LTBR: variants seen among roughly 807,000 people sequenced by gnomAD.
The protein encoded by LTBR is tumor necrosis factor receptor superfamily member 3.
A neutral mutation model predicts 45.4 loss-of-function variants in LTBR; 15 were observed. The ratio of observed to expected loss-of-function variants is 0.33; its 90% CI spans 0.22 to 0.51. The LOEUF is 0.51. Among genes scored for constraint, LTBR ranks in the 20% least tolerant of loss-of-function variants. The pLI is 0.97. For synonymous variants in LTBR, 228 were observed against 231.0 expected (o/e 0.99, Z 0.12); for missense variants, 450 against 565.5 (o/e 0.80, Z 2.07).
In LTBR at chr12:6,375,606, G is replaced by T. The variant is rs72645138; in HGVS notation, c.39+12G>T. 28 of 1,320,854 alleles carry T rather than the reference G, an allele frequency of 2.1e-5. No homozygotes were observed. The African/African-American group carries it at 3.7e-4, about 17-fold the overall frequency. The allele number at this position is 1,320,854 out of a possible 1,614,324, so 81.8% of individuals were successfully genotyped here. A position where few individuals can be genotyped will look rare whatever the true frequency, so the allele number is the denominator to read the frequency against. ...CATCTCAATTAAAGGTGAGCAGGGC[G>T]GGGGGAGGGGCTGAGGAGGAGTCAG... On this transcript the variant is annotated intron_variant, in intron 1 of 9. Coordinates refer to the LTBR transcript ENST00000539925.
At chr12:6,381,857 C>T (rs1345214530), upstream of LTBR, among the ~76,000 whole-genome samples, 14 of 152,156 alleles carry the variant, frequency 9.2e-5, no homozygotes, top group Non-Finnish European at 2.1e-4. Context: ...CCCGTAATCC[C>T]AGCTACTCGG....
chr12:6,385,521 C>T (rs1247307176), intron 4 of LTBR, 142 bp downstream of exon 4: 6 of 999,092 alleles, frequency 6.0e-6, no homozygotes, highest in Non-Finnish European at 8.7e-6. Context: ...CATGCAGAGG[C>T]TCACAGAAGG....
Position 6,391,397 on chromosome 12 carries a change from A to C in LTBR, c.*460A>C. 1 of 153,832 alleles carries C rather than the reference A, an allele frequency of 6.5e-6. No individual in the cohort carries two copies. Among genetic ancestry groups the C allele is most frequent in the African/African-American group, 2.4e-5 (1 of 41,648 alleles). The allele number at this position is 153,832 out of a possible 1,614,324, so 9.5% of individuals were successfully genotyped here. ...GAGGTAGACCCTGCATGAAGATGAA[A>C]TTATAGGGAGGACGCTCCTTCCCTC... On this transcript the variant is annotated 3_prime_UTR_variant, in exon 10 of 10. Coordinates refer to ENST00000228918, the MANE Select transcript of LTBR (RefSeq NM_002342.3).
In LTBR at chr12:6,388,406, C is replaced by G. The variant is rs1949073219; in HGVS notation, c.676C>G (p.Leu226Val). ...GTCTGCTGTCCTGGCAGGAACCATG[C>G]TGATGCTGGCCGTTCTGCTGCCACT... ...PLPPEMSGTM[L>V]MLAVLLPLAF... Residue 226 changes from leucine (L) to valine (V), a missense_variant, in exon 7 of 10, where the codon CTG becomes GTG. By Grantham distance (32) the Leu-to-Val change is conservative (BLOSUM62 1). Coordinates refer to ENST00000228918, the MANE Select transcript of LTBR (RefSeq NM_002342.3). This position sits in a 1 kb window ranked among gnomAD's most constrained non-coding sequence, Gnocchi z 4.3. 6.2e-7 allele frequency: 1 copy of G among 1,613,246 alleles called. No individual in the cohort carries two copies. The highest frequency in any genetic ancestry group is 1.7e-5 in the Admixed American group (1 of 60,004).
chr12:6,376,378 G>C (rs1948909658), intron 1 of LTBR, among the ~76,000 whole-genome samples: 3 of 152,356 alleles, frequency 2.0e-5, no homozygotes, highest in South Asian at 4.1e-4. Context: ...AATCGCCCCT[G>C]CTGTGGTCAC....
chr12:6,382,360 G>A (rs148852324), upstream of LTBR, among the ~76,000 whole-genome samples: 3 of 152,218 alleles, frequency 2.0e-5, no homozygotes, highest in East Asian at 5.8e-4. Context: ...GGAGTATATG[G>A]GAGACTCCCA....
upstream of LTBR, among the ~76,000 whole-genome samples, chr12:6,382,465 T>C (rs1043271168): frequency 6.6e-6 from 1 of 152,218 alleles, no homozygotes; most frequent in Non-Finnish European, 1.5e-5. Context: ...CTAGGGTCGC[T>C]ACACACACAT....
rs941652450 is a variant in LTBR, at chr12:6,377,746, G to C, written c.39+2152G>C. 8.9e-6 allele frequency: 10 copies of C among 1,119,570 alleles called. 1 individual carries two copies. The South Asian group carries it at 1.2e-4, about 13-fold the overall frequency. The allele number at this position is 1,119,570 out of a possible 1,614,324, so 69.4% of individuals were successfully genotyped here. ...CAAAGGTTCTGAAAAGCACCTCCCT[G>C]CCTTTTCTATTTGCCAGCTCATGCC... is the stretch of plus-strand genomic sequence containing the variant. On this transcript the variant is annotated intron_variant, in intron 1 of 9. Transcript: ENST00000539925.
At chr12:6,387,801 C>T (rs1949066222) in intron 6 of LTBR, 1 of 449,486 alleles carries the variant, frequency 2.2e-6, no homozygotes, top group Non-Finnish European at 4.5e-6. Context: ...CTCCTAGAAC[C>T]TGCCCTGAGC....
chr12:6,375,250 CT>C, upstream of LTBR: 1 of 1,438,694 alleles, frequency 7.0e-7, no homozygotes, highest in East Asian at 2.5e-5. Context: ...CTGCTCTCCT[CT>C]TTCTGGCCTG....
In LTBR at chr12:6,390,313, C is replaced by T. The variant is rs532797854; in HGVS notation, c.1003C>T (p.Pro335Ser). 2 of 1,609,594 alleles carry T rather than the reference C, an allele frequency of 1.2e-6. No individual in the cohort carries two copies. The highest frequency in any genetic ancestry group is 1.7e-6 in the Non-Finnish European group (2 of 1,177,302). ...CCTGACCAGGGAGCCGCAGTTGGAA[C>T]CCGGGGAGCAGAGCCAGGTGGCCCA... ...LDLTREPQLE[P>S]GEQSQVAHGT... Residue 335 changes from proline (P) to serine (S), a missense_variant, in exon 9 of 10, where the codon CCC (proline) becomes TCC (serine). Coordinates refer to ENST00000228918, the MANE Select transcript of LTBR (RefSeq NM_002342.3).
Position 6,390,702 on chromosome 12 carries a change from C to T in LTBR, c.1073C>T (p.Thr358Ile). The change falls in exon 10 of 10, where the codon ACT becomes ATT. Residue 358 changes from threonine (T) to isoleucine (I), a missense_variant. By Grantham distance (89) the Thr-to-Ile change is moderately conservative. Transcript: ENST00000228918. ...IHVTGGSMTITGNIYIYNGPV... is the reference protein window; with the variant it reads ...IHVTGGSMTIIGNIYIYNGPV... ...GTCACCGGCGGGTCTATGACTATCA[C>T]TGGCAACATCTACATCTACAATGGA... 6.7e-7 allele frequency: 1 copy of T among 1,498,868 alleles called. No homozygotes were observed. The highest frequency in any genetic ancestry group is 1.4e-5 in the African/African-American group (1 of 71,668). The allele number at this position is 1,498,868 out of a possible 1,614,324, so 92.8% of individuals were successfully genotyped here.
upstream of LTBR, among the ~76,000 whole-genome samples, chr12:6,380,845 C>T (rs143732893): frequency 7.4e-4 from 112 of 152,260 alleles, no homozygotes; most frequent in Admixed American, 3.1e-3. Flanking sequence ...ACCTTCTAGG[C>T]GTCCTGGGGT....
At chr12:6,384,802 A>G in intron 2 of LTBR, 118 bp downstream of exon 2, 1 of 1,114,602 alleles carries the variant, frequency 9.0e-7, no homozygotes, top group Admixed American at 2.0e-5. Flanking sequence ...GCTGCTGGAG[A>G]CGAGCGTGGG....
intron 1 of LTBR, chr12:6,377,338 G>T: frequency 7.3e-7 from 1 of 1,361,012 alleles, no homozygotes; most frequent in South Asian, 1.3e-5. Flanking sequence ...CCTTCCCAAG[G>T]ATAAATCAGT....
upstream of LTBR, chr12:6,375,356 G>C (rs1281181413): frequency 2.8e-6 from 4 of 1,450,172 alleles, no homozygotes; most frequent in African/African-American, 5.7e-5. Context: ...CCCTGACCTC[G>C]AGCTGTGTCC....
At position 6,385,006 on chromosome 12, in the gene LTBR, T is replaced by C; in HGVS notation, c.194-16T>C. 6.2e-7 allele frequency: 1 copy of C among 1,614,070 alleles called. No individual in the cohort carries two copies. The highest frequency in any genetic ancestry group is 2.2e-5 in the East Asian group (1 of 44,878). On this transcript the variant is annotated splice_polypyrimidine_tract_variant and intron_variant, in intron 2 of 9. Coordinates refer to ENST00000228918, the MANE Select transcript of LTBR (RefSeq NM_002342.3). Reference sequence around the variant, plus strand: ...GCCTCGTCTCCTGAGGCTCTACTGCTCCACTCACGTTCTAGGCACCTATGT... The same window carrying C: ...GCCTCGTCTCCTGAGGCTCTACTGCCCCACTCACGTTCTAGGCACCTATGT...
At chr12:6,376,187 C>G in intron 1 of LTBR, 1 of 985,180 alleles carries the variant, frequency 1.0e-6, no homozygotes, top group Non-Finnish European at 1.2e-6. Flanking sequence ...TAAGTGGGAG[C>G]AGCGCACTCA....
intron 1 of LTBR, chr12:6,375,760 C>A (rs1329223797): frequency 7.1e-7 from 1 of 1,407,532 alleles, no homozygotes; most frequent in Non-Finnish European, 9.2e-7. Context: ...GACAGGATGG[C>A]AGGTGAGGGG....
Sources: gnomAD v4.1 joint callset for allele counts (sites outside exome capture counted in the v4.1 genomes callset) on GRCh38, gnomAD v4.1.1 for gene constraint, Gnocchi (gnomAD v3.1) non-coding constraint, MANE v1.5 for transcripts, NCBI Gene and HGNC (gene_info 2026-07-23, HGNC 2026-07-21) for gene names.